The following IMPDH1 variants were observed in gnomAD, a reference collection of about 807,000 sequenced individuals.
IMPDH1 encodes the protein inosine-5'-monophosphate dehydrogenase 1.
Under a neutral mutation model 73.5 loss-of-function variants are expected in IMPDH1, and 41 were observed. The observed-to-expected ratio is 0.56, with a 90% CI of 0.43 to 0.72. The LOEUF (loss-of-function observed/expected upper bound fraction) is 0.72. Ranked by LOEUF, IMPDH1 falls within the 30% of genes least tolerant of loss-of-function variation. The probability of loss-of-function intolerance (pLI) is 0.00; values close to 1 mark genes in which losing one functional copy is unlikely to be tolerated. For synonymous variants in IMPDH1, 318 were observed against 334.3 expected, an observed-to-expected ratio of 0.95 and a Z score of 0.53; for missense variants, 645 against 824.8, an observed-to-expected ratio of 0.78 and a Z score of 2.67.
Position 128,405,786 on chromosome 7 carries a change from C to T in IMPDH1, c.334G>A (p.Ala112Thr). The change falls in exon 4 of 17, where the codon GCC becomes ACC. Residue 112 changes from alanine to threonine, a missense_variant. By Grantham distance (58) the Ala-to-Thr change is moderately conservative (BLOSUM62 0). Coordinates refer to ENST00000338791, the MANE Select transcript of IMPDH1 (RefSeq NM_000883.4). Reference sequence around the variant, plus strand: ...GCTTACTTGTAGGTGAGGCCGTCGGCGCTGGCGAAGAGCTGCTGCGCGGTG... The same window carrying T: ...GCTTACTTGTAGGTGAGGCCGTCGGTGCTGGCGAAGAGCTGCTGCGCGGTG... ...GLTAQQLFASADGLTYNDFLI... is the reference protein window; with the variant it reads ...GLTAQQLFASTDGLTYNDFLI... 6.5e-7 allele frequency: 1 copy of T among 1,539,638 alleles called. No individual in the cohort carries two copies.
At chr7:128,401,513 A>C (rs1798334516) in intron 5 of IMPDH1, among the ~76,000 whole-genome samples, 1 of 152,134 alleles carries the variant, frequency 6.6e-6, no homozygotes, top group Non-Finnish European at 1.5e-5. Context: ...AGGCACACTT[A>C]AGAAAGAAAA....
chr7:128,405,443 G>A (rs1274678009), intron 4 of IMPDH1, among the ~76,000 whole-genome samples: 2 of 152,204 alleles, frequency 1.3e-5, no homozygotes, highest in African/African-American at 2.4e-5. Flanking sequence ...CTGGACCAGC[G>A]GCTGGGAAAA....
chr7:128,395,392 G>T, intron 12 of IMPDH1, 118 bp from the exon 13 acceptor site: 1 of 1,216,612 alleles, frequency 8.2e-7, no homozygotes, highest in Non-Finnish European at 1.2e-6. Flanking sequence ...AAGGGACAGG[G>T]CTGGATGGTG....
rs919226706 is a variant in IMPDH1, at chr7:128,409,972, C to G, written c.-71G>C. The G allele has an allele frequency of 3.1e-6, 4 of 1,271,536 alleles. No homozygotes were observed. The Admixed American group carries it at 1.7e-4, about 54-fold the overall frequency. 78.8% of individuals were successfully genotyped at this position (1,271,536 alleles called of 1,614,324 possible). ...GGCCCCGGCTGGGCAGTGAGCGCAGCCCGGTCGAGTCCCGAGGAGGGGCGG... is the reference window on the plus strand; with the variant it reads ...GGCCCCGGCTGGGCAGTGAGCGCAGGCCGGTCGAGTCCCGAGGAGGGGCGG... On this transcript the variant is annotated 5_prime_UTR_variant, in exon 1 of 17. Transcript: ENST00000338791.
intron 10 of IMPDH1, 126 bp from the exon 11 acceptor site, chr7:128,397,148 G>GTT: frequency 3.8e-5 from 22 of 574,450 alleles, no homozygotes; most frequent in Admixed American, 9.7e-5. Flanking sequence ...TTTCCTTCTG[G>GTT]TTGTTTTTTT....
At chr7:128,397,116 GA>G in intron 10 of IMPDH1, 94 bp from the exon 11 acceptor site, 1 of 814,976 alleles carries the variant, frequency 1.2e-6, no homozygotes, top group Non-Finnish European at 2.2e-6. Context: ...CAAATCCTAT[GA>G]AAACTGTTAT....
At chr7:128,404,361 C>T (rs1287663785) in intron 4 of IMPDH1, among the ~76,000 whole-genome samples, 4 of 152,128 alleles carry the variant, frequency 2.6e-5, no homozygotes, top group Non-Finnish European at 5.9e-5. Context: ...AGAGGTGGGA[C>T]CAGGACACTG....
chr7:128,409,189 C>G, intron 3 of IMPDH1, 100 bp downstream of exon 3: 1 of 1,082,908 alleles, frequency 9.2e-7, no homozygotes, highest in Non-Finnish European at 1.4e-6. Flanking sequence ...CCCTACAGAC[C>G]CCAGCATGGG....
At position 128,409,868 on chromosome 7, in the gene IMPDH1, C is replaced by G. The variant is rs867718671; in HGVS notation, c.34G>C (p.Gly12Arg). The G allele has an allele frequency of 2.7e-6, 4 of 1,486,954 alleles. No homozygotes were observed. Among genetic ancestry groups the G allele is most frequent in the African/African-American group, 1.5e-5 (1 of 68,492 alleles). 92.1% of individuals were successfully genotyped at this position (1,486,954 alleles called of 1,614,324 possible). A position where few individuals can be genotyped will look rare whatever the true frequency, so the allele number is the denominator to read the frequency against. Residue 12 changes from glycine to arginine, a missense_variant, in exon 1 of 17, where the codon GGA becomes CGA. This residue lies in a region of IMPDH1 where 186 missense variants were observed against 186.6 expected (regional missense o/e 1.00). Coordinates refer to ENST00000338791, the MANE Select transcript of IMPDH1 (RefSeq NM_000883.4). The part of the protein sequence containing the change: ...EGPLTPPPLQ[G>R]GGAAAVPEPG... ...TCCGGAACAGCGGCGGCTCCGCCTCCCTGCAGCGGTGGTGGAGTGAGTGGC... is the reference window on the plus strand; with the variant it reads ...TCCGGAACAGCGGCGGCTCCGCCTCGCTGCAGCGGTGGTGGAGTGAGTGGC...
rs1446039386 is a variant in IMPDH1 at position 128,396,488 on chromosome 7, G to A, written c.1261+112C>T. 2.6e-5 allele frequency: 23 copies of A among 901,798 alleles called. No individual in the cohort carries two copies. The highest frequency in any genetic ancestry group is 1.0e-4 in the Admixed American group (5 of 50,144). 55.9% of individuals were successfully genotyped at this position (901,798 alleles called of 1,614,324 possible). ...GTGGGGCCCATGCCTGGGTCACCCC[G>A]GAGCCTACCATGGCAGAACAGGGCC... On this transcript the variant is annotated intron_variant, in intron 12 of 16. Transcript: ENST00000338791. This position sits in a 1 kb window ranked among gnomAD's most constrained non-coding sequence, Gnocchi z 4.0.
In IMPDH1 at chr7:128,394,700, C is replaced by T; in HGVS notation, c.1551-101G>A. 1 of 1,485,532 alleles carries T rather than the reference C, an allele frequency of 6.7e-7. No individual in the cohort carries two copies. Among genetic ancestry groups the T allele is most frequent in the Non-Finnish European group, 9.3e-7 (1 of 1,079,302 alleles). The allele number at this position is 1,485,532 out of a possible 1,614,324, so 92.0% of individuals were successfully genotyped here. Reference sequence around the variant, plus strand: ...CGGGATACCGCCCAGGAAGGTCCCCCAGGCCACCCCTCACTGGGCTGAGTC... The same window carrying T: ...CGGGATACCGCCCAGGAAGGTCCCCTAGGCCACCCCTCACTGGGCTGAGTC... On this transcript the variant is annotated intron_variant, in intron 14 of 16. Coordinates refer to ENST00000338791, the MANE Select transcript of IMPDH1 (RefSeq NM_000883.4). This position sits in a 1 kb window ranked among gnomAD's most constrained non-coding sequence, Gnocchi z 5.5.
Position 128,392,842 on chromosome 7 carries a change from G to T in IMPDH1, c.*165C>A. The T allele has an allele frequency of 2.9e-6, 2 of 679,778 alleles. No homozygotes were observed. Among genetic ancestry groups the T allele is most frequent in the Non-Finnish European group, 5.2e-6 (2 of 386,618 alleles). 42.1% of individuals were successfully genotyped at this position (679,778 alleles called of 1,614,324 possible). A position where few individuals can be genotyped will look rare whatever the true frequency, so the allele number is the denominator to read the frequency against. ...GTCCTGACTCTGCAGGGGATGCCGA[G>T]TGAGGGGCAGCAGTCCCCTCAGGAC... On this transcript the variant is annotated 3_prime_UTR_variant, in exon 17 of 17. Coordinates refer to ENST00000338791, the MANE Select transcript of IMPDH1 (RefSeq NM_000883.4).
intron 5 of IMPDH1, among the ~76,000 whole-genome samples, chr7:128,402,742 T>C (rs567300059): frequency 2.0e-5 from 3 of 152,300 alleles, no homozygotes; most frequent in Non-Finnish European, 4.4e-5. Context: ...GAATTCATCA[T>C]TGAATCATGG....
intron 10 of IMPDH1, among the ~76,000 whole-genome samples, chr7:128,397,727 A>G (rs914398936): frequency 1.3e-5 from 2 of 150,958 alleles, no homozygotes; most frequent in Admixed American, 6.8e-5. Flanking sequence ...GTTGCTTGCA[A>G]CAATTTGTCA....
chr7:128,409,963 T>C lies in IMPDH1; in HGVS notation c.-62A>G. ...GGCTCCCGGGGCCCCGGCTGGGCAG[T>C]GAGCGCAGCCCGGTCGAGTCCCGAG... is the stretch of plus-strand genomic sequence containing the variant. On this transcript the variant is annotated 5_prime_UTR_variant, in exon 1 of 17. Coordinates refer to ENST00000338791, the MANE Select transcript of IMPDH1 (RefSeq NM_000883.4). 7.7e-7 allele frequency: 1 copy of C among 1,297,220 alleles called. No homozygotes were observed. Among genetic ancestry groups the C allele is most frequent in the Non-Finnish European group, 9.8e-7 (1 of 1,021,306 alleles). The allele number at this position is 1,297,220 out of a possible 1,614,324, so 80.4% of individuals were successfully genotyped here.
intron 7 of IMPDH1, 49 bp downstream of exon 7, chr7:128,400,768 G>C (rs1798275945): frequency 1.2e-5 from 18 of 1,514,872 alleles, no homozygotes; most frequent in Non-Finnish European, 1.7e-5. Context: ...GGGCCTCTGA[G>C]GTGGGGACTG....
Position 128,405,616 on chromosome 7 carries a change from G to T in IMPDH1, c.353+151C>A, listed in dbSNP as rs80156759. ...GCCACGTCCGTCTGCTCCGGCGCGG[G>T]CCTCCTTCCTTCCCGTGCCCAGCCC... On this transcript the variant is annotated intron_variant, in intron 4 of 16. Coordinates refer to ENST00000338791, the MANE Select transcript of IMPDH1 (RefSeq NM_000883.4). 4.3e-3 allele frequency: 5,086 copies of T among 1,177,380 alleles called. 21 individuals carry two copies. The highest frequency in any genetic ancestry group is 5.4e-3 in the Non-Finnish European group (4,831 of 893,736). 72.9% of individuals were successfully genotyped at this position (1,177,380 alleles called of 1,614,324 possible). A position where few individuals can be genotyped will look rare whatever the true frequency, so the allele number is the denominator to read the frequency against.
Position 128,396,648 on chromosome 7 carries a change from C to G in IMPDH1, c.1213G>C (p.Gly405Arg). The G allele has an allele frequency of 6.4e-7, 1 of 1,555,802 alleles. No homozygotes were observed. The highest frequency in any genetic ancestry group is 8.7e-7 in the Non-Finnish European group (1 of 1,148,998). Reference sequence around the variant, plus strand: ...CCGCAGCCCATGCCCACGCGCAGCCCGTCCACACCAGCATCAATCAGGTTC... The same window carrying G: ...CCGCAGCCCATGCCCACGCGCAGCCGGTCCACACCAGCATCAATCAGGTTC... The part of the protein sequence containing the change: ...AKNLIDAGVD[G>R]LRVGMGCGSI... The change falls in exon 12 of 17, where the codon GGG (glycine) becomes CGG (arginine). Residue 405 changes from glycine to arginine, a missense_variant. Gly to Arg is a moderately radical substitution (Grantham distance 125, BLOSUM62 -2). Around this residue, in one of 2 missense-constraint regions of IMPDH1, gnomAD observed 459 missense variants for 638.2 expected, o/e 0.72. Coordinates refer to ENST00000338791, the MANE Select transcript of IMPDH1 (RefSeq NM_000883.4). This position sits in a 1 kb window ranked among gnomAD's most constrained non-coding sequence, Gnocchi z 4.0.
At position 128,394,737 on chromosome 7, in the gene IMPDH1, G is replaced by T; in HGVS notation, c.1551-138C>A. 1 of 1,389,968 alleles carries T rather than the reference G, an allele frequency of 7.2e-7. No homozygotes were observed. Among genetic ancestry groups the T allele is most frequent in the East Asian group, 2.3e-5 (1 of 42,814 alleles). The allele number at this position is 1,389,968 out of a possible 1,614,324, so 86.1% of individuals were successfully genotyped here. A position where few individuals can be genotyped will look rare whatever the true frequency, so the allele number is the denominator to read the frequency against. ...CACTGGGCTGAGTCAGATGGCCCAGGGACAGATCCTGGGTCTGCTACTTAA... is the reference window on the plus strand; with the variant it reads ...CACTGGGCTGAGTCAGATGGCCCAGTGACAGATCCTGGGTCTGCTACTTAA... On this transcript the variant is annotated intron_variant, in intron 14 of 16. Transcript: ENST00000338791. The surrounding 1 kb of genome is among the most constrained non-coding windows in gnomAD (Gnocchi z 5.5).
Sources: gnomAD v4.1 joint callset for allele counts (sites outside exome capture counted in the v4.1 genomes callset) on GRCh38, gnomAD v4.1.1 for gene constraint, gnomAD v4.1.1 regional missense constraint, Gnocchi (gnomAD v3.1) non-coding constraint, MANE v1.5 for transcripts, NCBI Gene and HGNC (gene_info 2026-07-23, HGNC 2026-07-21) for gene names.